The following UBA6 variants were observed in gnomAD, a reference collection of about 807,000 sequenced individuals.
The protein encoded by UBA6 is ubiquitin-like modifier-activating enzyme 6.
UBA6 carries 87 observed loss-of-function variants against 148.3 expected under a neutral mutation model. The ratio of observed to expected loss-of-function variants is 0.59; its 90% confidence interval spans 0.49 to 0.70. UBA6 has a LOEUF of 0.70. Among genes scored for constraint, UBA6 ranks in the 30% least tolerant of loss-of-function variants. The pLI is 0.00. For missense variants in UBA6, 1,186 were observed against 1,241.2 expected (o/e 0.96, Z 0.67); for synonymous variants, 376 against 401.0 (o/e 0.94, Z 0.75).
chr4:67,673,660 T>C lies in UBA6; in HGVS notation c.546+37A>G, dbSNP rs768892155. On this transcript the variant is annotated intron_variant, in intron 7 of 32. Transcript: ENST00000322244. ...TTCTACTAGTGAAAGTGTTCTTCCT[T>C]GGTTAACTACATGTCATTACTAAAT... 2.1e-6 allele frequency: 3 copies of C among 1,441,514 alleles called. No homozygotes were observed. The East Asian group carries it at 6.9e-5, about 33-fold the overall frequency. The allele number at this position is 1,441,514 out of a possible 1,614,324, so 89.3% of individuals were successfully genotyped here.
rs147301480 is a variant in UBA6, at chr4:67,638,814, G to C, written c.1736+129C>G. 2.2e-4 allele frequency: 131 copies of C among 605,364 alleles called. 1 individual carries two copies. Among genetic ancestry groups the C allele is most frequent in the African/African-American group, 2.1e-3 (113 of 54,614 alleles). The allele number at this position is 605,364 out of a possible 1,614,324, so 37.5% of individuals were successfully genotyped here. A position where few individuals can be genotyped will look rare whatever the true frequency, so the allele number is the denominator to read the frequency against. ...AATGAGAAATCATCAAAGGGTTTGTGTTTGAGGAGTACTACAATAGGAACA... is the reference window on the plus strand; with the variant it reads ...AATGAGAAATCATCAAAGGGTTTGTCTTTGAGGAGTACTACAATAGGAACA... On this transcript the variant is annotated intron_variant, in intron 19 of 32. Transcript: ENST00000322244.
chr4:67,625,169 A>C lies in UBA6; in HGVS notation c.2537T>G (p.Val846Gly), dbSNP rs1728837585. 1 of 1,609,640 alleles carries C rather than the reference A, an allele frequency of 6.2e-7. No individual in the cohort carries two copies. Among genetic ancestry groups the C allele is most frequent in the African/African-American group, 1.3e-5 (1 of 74,870 alleles). ...ATCATCATCTTTTTCAAATGAAAGC[A>C]CTGCCATCTGAAGGTCACCTGATTA... ...EATKSDLQMA[V>G]LSFEKDDDHN... Residue 846 changes from valine (V) to glycine (G), a missense_variant, in exon 29 of 33, where the codon GTG becomes GGG. Coordinates refer to ENST00000322244, the MANE Select transcript of UBA6 (RefSeq NM_018227.6).
At chr4:67,667,425 T>C (rs1315992047) in intron 9 of UBA6, among the ~76,000 whole-genome samples, 1 of 152,154 alleles carries the variant, frequency 6.6e-6, no homozygotes, top group East Asian at 1.9e-4. Flanking sequence ...TCAAATAGTT[T>C]TGTTACCAAA....
intron 9 of UBA6, among the ~76,000 whole-genome samples, chr4:67,666,965 C>T (rs1481595907): frequency 6.6e-6 from 1 of 152,092 alleles, no homozygotes; most frequent in Non-Finnish European, 1.5e-5. Flanking sequence ...CAGTAAGTAG[C>T]AATTTATAAA....
At chr4:67,645,900 A>G in intron 16 of UBA6, 38 bp downstream of exon 16, 1 of 1,267,454 alleles carries the variant, frequency 7.9e-7, no homozygotes, top group Non-Finnish European at 1.1e-6. Flanking sequence ...ATACGATAGC[A>G]GTTTGAACAT....
chr4:67,652,585 C>T (rs1019219580), intron 13 of UBA6, among the ~76,000 whole-genome samples: 1 of 152,128 alleles, frequency 6.6e-6, no homozygotes, highest in African/African-American at 2.4e-5. Flanking sequence ...AGGAACAGCT[C>T]GTCTGCAGCT....
At chr4:67,678,559 T>A (rs1297535944) in intron 4 of UBA6, 26 bp from the exon 5 acceptor site, 1 of 1,436,266 alleles carries the variant, frequency 7.0e-7, no homozygotes. Flanking sequence ...AAGTATTGGT[T>A]GAAGTCAGGA....
intron 28 of UBA6, among the ~76,000 whole-genome samples, chr4:67,625,600 A>G (rs1728849607): frequency 6.6e-6 from 1 of 152,016 alleles, no homozygotes; most frequent in Non-Finnish European, 1.5e-5. Context: ...TCTGGTAACT[A>G]AGAACAGGGT....
intron 27 of UBA6, among the ~76,000 whole-genome samples, chr4:67,627,914 A>G (rs985103694): frequency 6.7e-6 from 1 of 149,762 alleles, no homozygotes; most frequent in Non-Finnish European, 1.5e-5. Context: ...TTCATGTTCC[A>G]TCTTTACCAA....
At chr4:67,668,192 T>C (rs13126085) in intron 9 of UBA6, among the ~76,000 whole-genome samples, 34,166 of 152,096 alleles carry the variant, frequency 0.22, 4,015 homozygotes, top group Middle Eastern at 0.3. Flanking sequence ...ATTAAATTTC[T>C]TGTAGTTCCT....
chr4:67,669,112 T>C (rs1352382901), intron 8 of UBA6, among the ~76,000 whole-genome samples: 1 of 152,220 alleles, frequency 6.6e-6, no homozygotes, highest in Non-Finnish European at 1.5e-5. Flanking sequence ...AGCTTACAGC[T>C]TGCTCAACAC....
chr4:67,681,067 C>T (rs1412379873), intron 4 of UBA6, among the ~76,000 whole-genome samples: 1 of 152,110 alleles, frequency 6.6e-6, no homozygotes, highest in African/African-American at 2.4e-5. Flanking sequence ...CAGAGTCATG[C>T]CCGAATCCTG....
chr4:67,613,492 T>C lies in UBA6; in HGVS notation c.*5505A>G, dbSNP rs964953028. The C allele has an allele frequency of 3.3e-5, 5 of 152,184 alleles. No homozygotes were observed. Among genetic ancestry groups the C allele is most frequent in the South Asian group, 2.1e-4 (1 of 4,812 alleles). 9.4% of individuals were successfully genotyped at this position (152,184 alleles called of 1,614,324 possible). The stretch of plus-strand genomic sequence containing the variant: ...AATTAGAAACTGCAGGAGTGACAAA[T>C]TTACATGCTTTCAATTAGAAATATG... On this transcript the variant is annotated 3_prime_UTR_variant, in exon 33 of 33. Coordinates refer to ENST00000322244, the MANE Select transcript of UBA6 (RefSeq NM_018227.6).
At chr4:67,668,043 C>G (rs964450045) in intron 9 of UBA6, among the ~76,000 whole-genome samples, 1 of 152,170 alleles carries the variant, frequency 6.6e-6, no homozygotes, top group African/African-American at 2.4e-5. Flanking sequence ...TCTCCAAAAC[C>G]TACTCCCTTT....
At position 67,622,933 on chromosome 4, in the gene UBA6, T is replaced by C. The variant is rs374300825; in HGVS notation, c.2929-8A>G. The C allele has an allele frequency of 3.8e-6, 6 of 1,588,988 alleles. No homozygotes were observed. The highest frequency in any genetic ancestry group is 1.4e-5 in the African/African-American group (1 of 73,702). Reference sequence around the variant, plus strand: ...CTCAATTCCATACTTCTCCTAAAAGTGAATATCCAAAAAAGAAACAATGAA... The same window carrying C: ...CTCAATTCCATACTTCTCCTAAAAGCGAATATCCAAAAAAGAAACAATGAA... On this transcript the variant is annotated splice_polypyrimidine_tract_variant and splice_region_variant and intron_variant, in intron 31 of 32. Coordinates refer to ENST00000322244, the MANE Select transcript of UBA6 (RefSeq NM_018227.6).
At chr4:67,637,401 C>G (rs1343264313) in intron 19 of UBA6, among the ~76,000 whole-genome samples, 1 of 150,932 alleles carries the variant, frequency 6.6e-6, no homozygotes, top group Non-Finnish European at 1.5e-5. Context: ...AGTGAGGAGC[C>G]CCTCTGCCCG....
At chr4:67,694,752 T>C in intron 2 of UBA6, among the ~76,000 whole-genome samples, 1 of 152,228 alleles carries the variant, frequency 6.6e-6, no homozygotes, top group East Asian at 1.9e-4. Context: ...TCTTTTAGTA[T>C]TCCCTAATAA....
intron 32 of UBA6, among the ~76,000 whole-genome samples, chr4:67,621,366 A>T (rs978045485): frequency 5.9e-5 from 9 of 152,256 alleles, no homozygotes; most frequent in Admixed American, 5.9e-4. Context: ...GCAGAGATTC[A>T]TTTACTAGTC....
At position 67,613,824 on chromosome 4, in the gene UBA6, G is replaced by C. The variant is rs183595194; in HGVS notation, c.*5173C>G. 1 of 152,106 alleles carries C rather than the reference G, an allele frequency of 6.6e-6. No homozygotes were observed. Among genetic ancestry groups the C allele is most frequent in the Non-Finnish European group, 1.5e-5 (1 of 68,028 alleles). 9.4% of individuals were successfully genotyped at this position (152,106 alleles called of 1,614,324 possible). ...ATATTGTGACTTAACTTTCCAATCT[G>C]ACTCTGGCATAACAAGAAAGAAAAT... On this transcript the variant is annotated 3_prime_UTR_variant, in exon 33 of 33. Transcript: ENST00000322244.
Sources: allele counts gnomAD v4.1 joint callset (sites outside exome capture counted in the v4.1 genomes callset), GRCh38; gene constraint gnomAD v4.1.1; transcripts MANE v1.5; gene names NCBI Gene and HGNC (gene_info 2026-07-23, HGNC 2026-07-21).